NRXN3: variants seen among roughly 807,000 people sequenced by gnomAD.
The protein encoded by NRXN3 is neurexin 3.
In NRXN3, 32 loss-of-function variants were observed where a neutral mutation model predicts 137.6. That is an observed-to-expected ratio of 0.23 (90% CI 0.18 to 0.31). NRXN3 has a LOEUF of 0.31. NRXN3 is among the 10% of genes least tolerant of loss of function. The pLI, the probability that NRXN3 is intolerant of heterozygous loss-of-function variation, is 1.00. For missense variants in NRXN3, 1,574 were observed against 2,062.5 expected, an observed-to-expected ratio of 0.76 and a Z score of 4.59; for synonymous variants, 798 against 784.5, an observed-to-expected ratio of 1.02 and a Z score of -0.29.
chr14:78,645,962 G>A (rs1369121601), intron 5 of NRXN3, among the ~76,000 whole-genome samples: 1 of 151,542 alleles, frequency 6.6e-6, no homozygotes, highest in African/African-American at 2.4e-5. Context: ...TCTAGCTTTG[G>A]AATTAATTAG....
chr14:79,049,816 G>A (rs1326847064), intron 15 of NRXN3, among the ~76,000 whole-genome samples: 1 of 151,768 alleles, frequency 6.6e-6, no homozygotes, highest in African/African-American at 2.4e-5. Flanking sequence ...CTAAAATCAT[G>A]GGCTCCACTC....
At chr14:79,703,336 C>CAA (rs1395114998) in intron 19 of NRXN3, among the ~76,000 whole-genome samples, 6 of 152,190 alleles carry the variant, frequency 3.9e-5, no homozygotes, top group African/African-American at 1.4e-4. Context: ...GATTACAAAA[C>CAA]AAAGAAAAAA....
chr14:78,833,572 T>G (rs2098988258), intron 10 of NRXN3, among the ~76,000 whole-genome samples: 1 of 152,148 alleles, frequency 6.6e-6, no homozygotes, highest in African/African-American at 2.4e-5. Flanking sequence ...CAAAAGAACT[T>G]GGTCAAGATG....
Position 78,851,096 on chromosome 14 carries a change from C to A in NRXN3, c.2275+40752C>A, listed in dbSNP as rs546789904. 6.6e-5 allele frequency among the ~76,000 whole-genome samples: 10 copies of A among 152,172 alleles called. No individual in the cohort carries two copies. In the South Asian group the frequency reaches 2.1e-3, roughly 32 times the overall value. ...TAGGAGAAATATGAAGTAGGAAATT[C>A]TTTGGTAATTGTTGGAGGTTGGTAT... is the stretch of plus-strand genomic sequence containing the variant. On this transcript the variant is annotated intron_variant, in intron 10 of 20. Transcript: ENST00000335750.
In NRXN3 at chr14:78,771,406, C is replaced by T. The variant is rs190164037; in HGVS notation, c.2045-32214C>T. On this transcript the variant is annotated intron_variant, in intron 8 of 20. Transcript: ENST00000335750. ...GGGCCCATCACTGTATTATGAGGGC[C>T]GCAAAGCCTAGCTATGGGGCTAAAA... is the stretch of plus-strand genomic sequence containing the variant. Among the ~76,000 whole-genome samples the T allele has an allele frequency of 2.9e-3, 444 of 152,174 alleles. 9 individuals are homozygous for T. The highest frequency in any genetic ancestry group is 4.1e-4 in the Non-Finnish European group (28 of 68,022).
intron 19 of NRXN3, among the ~76,000 whole-genome samples, chr14:79,787,656 C>G (rs1052340465): frequency 6.6e-6 from 1 of 152,160 alleles, no homozygotes; most frequent in East Asian, 1.9e-4. Flanking sequence ...GGATTTGTCT[C>G]TCTGTGCCTG....
intron 4 of NRXN3, among the ~76,000 whole-genome samples, chr14:78,484,018 A>T (rs1286824020): frequency 1.4e-5 from 2 of 147,918 alleles, no homozygotes; most frequent in African/African-American, 2.5e-5. Flanking sequence ...ACACACACAC[A>T]CACACACACA....
At chr14:78,419,961 G>GCGCGCACACACACA (rs1555518606) in intron 4 of NRXN3, among the ~76,000 whole-genome samples, 110 of 49,238 alleles carry the variant, frequency 2.2e-3, no homozygotes, top group South Asian at 5.5e-3. Context: ...GCGCGCGCAC[G>GCGCGCACACACACA]CACACACACA....
chr14:79,370,316 T>G (rs2094053449), intron 15 of NRXN3, among the ~76,000 whole-genome samples: 1 of 113,618 alleles, frequency 8.8e-6, no homozygotes, highest in Non-Finnish European at 2.0e-5. Flanking sequence ...TTTTTGGGTT[T>G]TTTTTTGTTT....
chr14:78,283,829 C>T (rs995549930), intron 3 of NRXN3, among the ~76,000 whole-genome samples: 1 of 152,188 alleles, frequency 6.6e-6, no homozygotes, highest in Non-Finnish European at 1.5e-5. Flanking sequence ...TACTTTTGAG[C>T]TGCACAGGCA....
At chr14:78,770,863 G>C (rs2098725294) in intron 8 of NRXN3, among the ~76,000 whole-genome samples, 1 of 152,144 alleles carries the variant, frequency 6.6e-6, no homozygotes, top group Non-Finnish European at 1.5e-5. Flanking sequence ...GGGGGGTACA[G>C]CTAAAAGGAG....
chr14:79,261,288 G>A (rs1404389602), intron 15 of NRXN3, among the ~76,000 whole-genome samples: 3 of 152,168 alleles, frequency 2.0e-5, no homozygotes, highest in Non-Finnish European at 4.4e-5. Context: ...AATCTGGTAT[G>A]TGCCAGAAAA....
intron 19 of NRXN3, among the ~76,000 whole-genome samples, chr14:79,760,058 A>G (rs2099033050): frequency 6.6e-6 from 1 of 151,696 alleles, no homozygotes; most frequent in South Asian, 2.1e-4. Context: ...TACAGCTTTC[A>G]AATACATATA....
chr14:78,809,033 C>A (rs1029912424), intron 9 of NRXN3, among the ~76,000 whole-genome samples: 3 of 152,100 alleles, frequency 2.0e-5, no homozygotes, highest in Non-Finnish European at 2.9e-5. Flanking sequence ...CCATGATAAA[C>A]CAACCTTAGG....
chr14:79,825,798 A>G (rs1364735759), intron 20 of NRXN3, among the ~76,000 whole-genome samples: 1 of 152,164 alleles, frequency 6.6e-6, no homozygotes, highest in East Asian at 1.9e-4. Context: ...ATATATTGTT[A>G]CACTTTTATA....
chr14:79,786,864 G>T (rs149670161), intron 19 of NRXN3, among the ~76,000 whole-genome samples: 39 of 152,318 alleles, frequency 2.6e-4, no homozygotes, highest in African/African-American at 9.1e-4. Flanking sequence ...CATTTATTCA[G>T]AGTGATTACA....
chr14:79,374,591 G>A (rs2094206131), intron 15 of NRXN3, among the ~76,000 whole-genome samples: 1 of 151,876 alleles, frequency 6.6e-6, no homozygotes, highest in Non-Finnish European at 1.5e-5. Context: ...GCAGATAGCA[G>A]ACCCCTTATC....
At chr14:79,590,179 C>G (rs910687129) in intron 16 of NRXN3, among the ~76,000 whole-genome samples, 2 of 152,000 alleles carry the variant, frequency 1.3e-5, no homozygotes, top group African/African-American at 4.8e-5. Flanking sequence ...GTGGGAGGAA[C>G]CCAGTGGGAG....
intron 8 of NRXN3, among the ~76,000 whole-genome samples, chr14:78,756,303 C>T (rs915507778): frequency 3.3e-5 from 5 of 152,186 alleles, no homozygotes; most frequent in Middle Eastern, 3.4e-3. Flanking sequence ...GCCTGGTAAA[C>T]GTGGCAAAAC....
Sources: gnomAD v4.1 joint callset for allele counts (sites outside exome capture counted in the v4.1 genomes callset) on GRCh38, gnomAD v4.1.1 for gene constraint, MANE v1.5 for transcripts, NCBI Gene and HGNC (gene_info 2026-07-23, HGNC 2026-07-21) for gene names.